The following MYO3A variants were observed in gnomAD, a reference collection of about 807,000 sequenced individuals.
MYO3A encodes the protein myosin IIIA.
A neutral mutation model predicts 192.7 loss-of-function variants in MYO3A; 180 were observed. That is an observed-to-expected ratio of 0.93 (90% CI 0.83 to 1.06). The LOEUF is 1.06. MYO3A is among the 50% of genes least tolerant of loss of function. The pLI, the probability that MYO3A is intolerant of heterozygous loss-of-function variation, is 0.00. For missense variants in MYO3A, 1,896 were observed against 1,905.0 expected (o/e 1.00, Z 0.09); for synonymous variants, 628 against 645.3 (o/e 0.97, Z 0.41).
intron 6 of MYO3A, among the ~76,000 whole-genome samples, chr10:26,001,912 A>G (rs992855644): frequency 1.3e-5 from 2 of 152,190 alleles, no homozygotes; most frequent in Admixed American, 1.3e-4. Context: ...GCCTGGGCCC[A>G]GGAGTTCGAG....
At chr10:26,034,483 A>C (rs1407949625) in intron 10 of MYO3A, among the ~76,000 whole-genome samples, 1 of 152,220 alleles carries the variant, frequency 6.6e-6, no homozygotes, top group African/African-American at 2.4e-5. Context: ...CCCATAGATG[A>C]AGTAAAGACT....
intron 31 of MYO3A, among the ~76,000 whole-genome samples, chr10:26,184,459 T>A (rs1021931612): frequency 1.3e-5 from 2 of 152,212 alleles, no homozygotes; most frequent in African/African-American, 2.4e-5. Flanking sequence ...AATATTTGAT[T>A]TAGACATGTG....
In MYO3A at chr10:26,166,104, C is replaced by T. The variant is rs140154015; in HGVS notation, c.3037C>T (p.Arg1013Cys). The change falls in exon 27 of 35, where the codon CGC (arginine) becomes TGC (cysteine). Residue 1013 changes from arginine (R) to cysteine (C), a missense_variant. Coordinates refer to ENST00000642920, the MANE Select transcript of MYO3A (RefSeq NM_017433.5). Reference sequence around the variant, plus strand: ...CTGCTACAAGTCGAGCGAGGAGCCCCGCATGAGCCCTGACACCTGTGCCAC... The same window carrying T: ...CTGCTACAAGTCGAGCGAGGAGCCCTGCATGAGCCCTGACACCTGTGCCAC... Reference protein sequence around the residue: ...LLCYKSSEEPRMSPDTCATIL... With the variant: ...LLCYKSSEEPCMSPDTCATIL... 196 of 1,614,064 alleles carry T rather than the reference C, an allele frequency of 1.2e-4. No homozygotes were observed. The Admixed American group carries it at 1.6e-3, about 13-fold the overall frequency.
intron 20 of MYO3A, among the ~76,000 whole-genome samples, chr10:26,139,254 G>T (rs1359620239): frequency 6.6e-6 from 1 of 152,004 alleles, no homozygotes; most frequent in Non-Finnish European, 1.5e-5. Flanking sequence ...TATATTTTTT[G>T]AGATGGAGTT....
At chr10:25,991,439 A>G (rs1220406084) in intron 4 of MYO3A, among the ~76,000 whole-genome samples, 1 of 152,110 alleles carries the variant, frequency 6.6e-6, no homozygotes, top group African/African-American at 2.4e-5. Flanking sequence ...GTAGATTGCA[A>G]AAATTTTCTC....
intron 15 of MYO3A, among the ~76,000 whole-genome samples, chr10:26,092,239 G>A (rs534859827): frequency 2.7e-4 from 41 of 152,252 alleles, no homozygotes; most frequent in South Asian, 1.5e-3. Flanking sequence ...AGGCCGAGGC[G>A]GGTGGATCAT....
intron 10 of MYO3A, among the ~76,000 whole-genome samples, chr10:26,036,495 A>G (rs935150632): frequency 5.9e-5 from 9 of 152,216 alleles, no homozygotes; most frequent in African/African-American, 2.2e-4. Flanking sequence ...GGGGCCAACA[A>G]AACTGCATTC....
At chr10:26,085,983 G>A (rs1836280901) in intron 14 of MYO3A, among the ~76,000 whole-genome samples, 1 of 152,104 alleles carries the variant, frequency 6.6e-6, no homozygotes, top group African/African-American at 2.4e-5. Context: ...CTGTTCTCCA[G>A]TGTGCTCCTT....
At chr10:26,039,207 ATTTTTTTTTT>A (rs34416918) in intron 10 of MYO3A, among the ~76,000 whole-genome samples, 15 of 106,844 alleles carry the variant, frequency 1.4e-4, no homozygotes, top group African/African-American at 4.7e-4. Flanking sequence ...GGCTCGGCTA[ATTTTTTTTTT>A]TTTTTTTTTT....
chr10:26,191,294 C>A (rs994705726), intron 31 of MYO3A, among the ~76,000 whole-genome samples: 2 of 152,128 alleles, frequency 1.3e-5, no homozygotes, highest in African/African-American at 4.8e-5. Context: ...ATGATGGTGG[C>A]AAGAATTCAG....
At chr10:26,183,980 G>A (rs987237943) in intron 31 of MYO3A, among the ~76,000 whole-genome samples, 1 of 152,170 alleles carries the variant, frequency 6.6e-6, no homozygotes, top group Non-Finnish European at 1.5e-5. Flanking sequence ...CAGCTACTCG[G>A]AAGGCTGAGG....
Position 25,952,140 on chromosome 10 carries a change from C to T in MYO3A, c.30C>T (p.Ile10=), listed in dbSNP as rs538880676. MFPLIGKTI[I]FDNFPDPSDT... Reference sequence around the variant, plus strand: ...TTCCATTAATTGGAAAAACAATCATCTTTGATAACTTTCCTGATCCTTCTG... The same window carrying T: ...TTCCATTAATTGGAAAAACAATCATTTTTGATAACTTTCCTGATCCTTCTG... The change falls in exon 3 of 35, where the codon ATC becomes ATT. Residue 10 remains isoleucine (I), a synonymous_variant. Transcript: ENST00000642920. 6.2e-7 allele frequency: 1 copy of T among 1,612,008 alleles called. No individual in the cohort carries two copies. Among genetic ancestry groups the T allele is most frequent in the Non-Finnish European group, 8.5e-7 (1 of 1,178,562 alleles).
chr10:25,951,267 TAATC>T (rs1837192756), intron 2 of MYO3A, among the ~76,000 whole-genome samples: 1 of 152,150 alleles, frequency 6.6e-6, no homozygotes, highest in Non-Finnish European at 1.5e-5. Flanking sequence ...TTTAATTAAT[TAATC>T]AGTCAATCAT....
chr10:26,199,574 AAAAAG>A (rs1589119524), intron 32 of MYO3A, among the ~76,000 whole-genome samples: 1 of 152,206 alleles, frequency 6.6e-6, no homozygotes, highest in Non-Finnish European at 1.5e-5. Context: ...TGTCTCAAAA[AAAAAG>A]AAAAGAAAAA....
At chr10:26,182,554 C>T (rs530842637) in intron 31 of MYO3A, among the ~76,000 whole-genome samples, 1 of 152,200 alleles carries the variant, frequency 6.6e-6, no homozygotes, top group South Asian at 2.1e-4. Flanking sequence ...TTTTAACAGG[C>T]CAATCTAAGA....
chr10:26,193,244 C>T lies in MYO3A; in HGVS notation c.4478C>T (p.Pro1493Leu). The T allele has an allele frequency of 6.2e-7, 1 of 1,613,966 alleles. No individual in the cohort carries two copies. The highest frequency in any genetic ancestry group is 8.5e-7 in the Non-Finnish European group (1 of 1,179,952). The stretch of plus-strand genomic sequence containing the variant: ...GAGGAGCCAAAAATATTGAGACCCC[C>T]AAGACGACCCCGGAAACCCAAAACA... The part of the protein sequence containing the change: ...KGEEPKILRP[P>L]RRPRKPKTLN... Residue 1493 changes from proline to leucine, a missense_variant, in exon 32 of 35, where the codon CCA becomes CTA. By Grantham distance (98) the Pro-to-Leu change is moderately conservative. Coordinates refer to ENST00000642920, the MANE Select transcript of MYO3A (RefSeq NM_017433.5).
chr10:26,120,598 A>G (rs1838798685), intron 17 of MYO3A, 78 bp from the exon 18 acceptor site: 6 of 1,595,042 alleles, frequency 3.8e-6, no homozygotes, highest in South Asian at 1.1e-5. Flanking sequence ...GTTCTCTTCC[A>G]GTCTGTCCCC....
In MYO3A at chr10:25,989,381, C is replaced by T. The variant is rs148604095; in HGVS notation, c.304-7109C>T. ...AGTGGAGCCAGTCTGACCTTTTATT[C>T]GGCTTCCAGGGCAGCAACACTCTTG... On this transcript the variant is annotated intron_variant, in intron 4 of 34. Transcript: ENST00000642920. 4.1e-3 allele frequency among the ~76,000 whole-genome samples: 620 copies of T among 151,844 alleles called. 5 individuals carry two copies. The highest frequency in any genetic ancestry group is 0.014 in the African/African-American group (583 of 41,364).
chr10:25,946,720 A>C (rs111606619), intron 2 of MYO3A, among the ~76,000 whole-genome samples: 2 of 151,666 alleles, frequency 1.3e-5, no homozygotes, highest in African/African-American at 4.8e-5. Flanking sequence ...TCTACTAAAA[A>C]TACAAAAAAT....
Sources: gnomAD v4.1 joint callset for allele counts (sites outside exome capture counted in the v4.1 genomes callset) on GRCh38, gnomAD v4.1.1 for gene constraint, MANE v1.5 for transcripts, NCBI Gene and HGNC (gene_info 2026-07-23, HGNC 2026-07-21) for gene names.